Variants in ATP2A3 observed in about 807,000 individuals in gnomAD.
ATP2A3 encodes sarcoplasmic/endoplasmic reticulum calcium ATPase 3.
Under a neutral mutation model 106.8 loss-of-function variants are expected in ATP2A3, and 61 were observed. The ratio of observed to expected loss-of-function variants is 0.57; its 90% confidence interval spans 0.46 to 0.71. The LOEUF is 0.71. ATP2A3 is among the 30% of genes least tolerant of loss of function. The pLI is 0.00. For synonymous variants in ATP2A3, 611 were observed against 609.3 expected (o/e 1.00, Z -0.04); for missense variants, 1,201 against 1,423.5 (o/e 0.84, Z 2.52).
Position 3,943,519 on chromosome 17 carries a change from T to C in ATP2A3, c.1291A>G (p.Lys431Glu). 1.2e-6 allele frequency: 2 copies of C among 1,613,972 alleles called. No homozygotes were observed. The highest frequency in any genetic ancestry group is 1.7e-6 in the Non-Finnish European group (2 of 1,179,894). The change falls in exon 11 of 21, where the codon AAG becomes GAG. Residue 431 changes from lysine (K) to glutamate (E), a missense_variant. Lys to Glu is a moderately conservative substitution (Grantham distance 56). Around this residue, in one of 2 missense-constraint regions of ATP2A3, gnomAD observed 935 missense variants for 1,176.7 expected, o/e 0.79. Transcript: ENST00000397041. The part of the protein sequence containing the change: ...NDSALDYNEA[K>E]GVYEKVGEAT... ...TCTCCCACCTTCTCATACACACCCT[T>C]GGCCTGGCAAGGACCCAGGGGATAG...
In ATP2A3 at chr17:3,958,757, TAC is replaced by T. The variant is rs1191804152; in HGVS notation, c.119-5049_119-5048del. On this transcript the variant is annotated intron_variant, in intron 1 of 20. Transcript: ENST00000397041. ...ACATATATATAGACACACATATATATACACACACATATATATACACACACATA... is the reference window on the plus strand; with the variant it reads ...ACATATATATAGACACACATATATATACACACATATATATACACACACATA... Among the ~76,000 whole-genome samples, 29 of 145,174 alleles carry T rather than the reference TAC, an allele frequency of 2.0e-4. 1 individual carries two copies. The highest frequency in any genetic ancestry group is 6.4e-4 in the African/African-American group (25 of 39,206).
chr17:3,942,145 G>T (rs2053820524), intron 12 of ATP2A3, among the ~76,000 whole-genome samples: 1 of 152,098 alleles, frequency 6.6e-6, no homozygotes, highest in Non-Finnish European at 1.5e-5. Context: ...GTGGCCTCAG[G>T]TCTCACCTCA....
At chr17:3,939,786 TAAAAA>T (rs71381543) in intron 14 of ATP2A3, among the ~76,000 whole-genome samples, 4 of 50,492 alleles carry the variant, frequency 7.9e-5, no homozygotes, top group East Asian at 6.7e-4. Flanking sequence ...AGACTCTGTC[TAAAAA>T]AAAAAAAAAA....
At chr17:3,935,366 G>A (rs1183399025) in intron 16 of ATP2A3, 89 bp from the exon 17 acceptor site, 10 of 1,261,968 alleles carry the variant, frequency 7.9e-6, no homozygotes, top group Admixed American at 5.4e-5. Flanking sequence ...TGAATTCCCT[G>A]CAGGGAGCCA....
chr17:3,924,678 GGC>G lies in ATP2A3; in HGVS notation c.*742_*743del, dbSNP rs2052610526. 2.2e-6 allele frequency: 1 copy of G among 446,418 alleles called. No individual in the cohort carries two copies. Among genetic ancestry groups the G allele is most frequent in the African/African-American group, 2.0e-5 (1 of 49,930 alleles). The allele number at this position is 446,418 out of a possible 1,614,324, so 27.7% of individuals were successfully genotyped here. A position where few individuals can be genotyped will look rare whatever the true frequency, so the allele number is the denominator to read the frequency against. The stretch of plus-strand genomic sequence containing the variant: ...AGGACGGGGAACCCTGAGTCCAGGA[GGC>G]GCGCGGGGCTGAGGCAGTCCAGCCA... On this transcript the variant is annotated 3_prime_UTR_variant, in exon 21 of 21. Transcript: ENST00000397041. This position sits in a 1 kb window ranked among gnomAD's most constrained non-coding sequence, Gnocchi z 6.4.
At chr17:3,951,559 T>TGCCACCCCCCGTTGCACCCACCAGC in intron 4 of ATP2A3, 22 bp downstream of exon 4, 1 of 596,272 alleles carries the variant, frequency 1.7e-6, no homozygotes, top group Non-Finnish European at 2.5e-6. Flanking sequence ...CCCCGCCCGG[T>TGCCACCCCCCGTTGCACCCACCAGC]CCCACCCCCA....
At position 3,951,662 on chromosome 17, in the gene ATP2A3, G is replaced by A. The variant is rs771321946; in HGVS notation, c.243C>T (p.Gly81=). The stretch of plus-strand genomic sequence containing the variant: ...CCACGAAGGCGGTCGTGGTCTCCTC[G>A]CCCTCCTCGAACCAGGCCAGGACCT... ...VSFVLAWFEE[G]EETTTAFVEP... The change falls in exon 4 of 21, where the codon GGC becomes GGT. Residue 81 remains glycine (G), a synonymous_variant. Transcript: ENST00000397041. The A allele has an allele frequency of 3.0e-5, 48 of 1,609,476 alleles. No homozygotes were observed. The highest frequency in any genetic ancestry group is 3.5e-5 in the Non-Finnish European group (41 of 1,178,474).
At position 3,925,494 on chromosome 17, in the gene ATP2A3, C is replaced by T. The variant is rs114282270; in HGVS notation, c.2981-53G>A. 6.8e-4 allele frequency: 1,072 copies of T among 1,580,456 alleles called. 8 individuals carry two copies. The African/African-American group carries it at 0.012, about 17-fold the overall frequency. On this transcript the variant is annotated intron_variant, in intron 20 of 20. Coordinates refer to ENST00000397041, the MANE Select transcript of ATP2A3 (RefSeq NM_005173.4). This position sits in a 1 kb window ranked among gnomAD's most constrained non-coding sequence, Gnocchi z 4.2. ...AGATGTATGTGTAAGGGCACACATCCAGACAGCTTCCTTCCAGCCCCTTCC... is the reference window on the plus strand; with the variant it reads ...AGATGTATGTGTAAGGGCACACATCTAGACAGCTTCCTTCCAGCCCCTTCC...
intron 17 of ATP2A3, among the ~76,000 whole-genome samples, chr17:3,932,952 C>T (rs959717780): frequency 5.3e-5 from 8 of 151,770 alleles, no homozygotes; most frequent in East Asian, 1.9e-4. Flanking sequence ...GACGCTTATG[C>T]GTCTACACAG....
chr17:3,950,215 G>A (rs2054336901), intron 7 of ATP2A3, among the ~76,000 whole-genome samples: 1 of 150,120 alleles, frequency 6.7e-6, no homozygotes, highest in South Asian at 2.1e-4. Flanking sequence ...AGGCTGGAGT[G>A]CAGTGGCACA....
At position 3,937,563 on chromosome 17, in the gene ATP2A3, G is replaced by C; in HGVS notation, c.2174C>G (p.Ala725Gly). ...CATCTCTGCCGCCGACTTGGCCACG[G>C]CCGTGCCTGAGCCCATGGCGATGCC... is the stretch of plus-strand genomic sequence containing the variant. ...EIGIAMGSGT[A>G]VAKSAAEMVL... is the part of the protein sequence containing the mutation. Residue 725 changes from alanine (A) to glycine (G), a missense_variant, in exon 15 of 21, where the codon GCC becomes GGC. Around this residue, in one of 2 missense-constraint regions of ATP2A3, gnomAD observed 935 missense variants for 1,176.7 expected, o/e 0.79. Coordinates refer to ENST00000397041, the MANE Select transcript of ATP2A3 (RefSeq NM_005173.4). The C allele has an allele frequency of 6.2e-7, 1 of 1,614,150 alleles. No individual in the cohort carries two copies. Among genetic ancestry groups the C allele is most frequent in the Non-Finnish European group, 8.5e-7 (1 of 1,180,040 alleles).
rs2054765149 is a variant in ATP2A3, at chr17:3,956,095, TG to T, written c.119-2386del. Among the ~76,000 whole-genome samples the T allele has an allele frequency of 2.6e-5, 4 of 152,228 alleles. No homozygotes were observed. In the South Asian group the frequency reaches 8.3e-4, roughly 32 times the overall value. On this transcript the variant is annotated intron_variant, in intron 1 of 20. Transcript: ENST00000397041. ...CGGGGTTTCACCATGTTGGCCAGGC[TG>T]GTCTCGAACTCCTGACCTCAGGTGA...
chr17:3,950,783 G>C lies in ATP2A3; in HGVS notation c.464-10C>G. 2.5e-6 allele frequency: 4 copies of C among 1,612,436 alleles called. No individual in the cohort carries two copies. Among genetic ancestry groups the C allele is most frequent in the Non-Finnish European group, 3.4e-6 (4 of 1,179,764 alleles). On this transcript the variant is annotated splice_polypyrimidine_tract_variant and intron_variant, in intron 5 of 20. Transcript: ENST00000397041. ...GGCACTTTGTCCCCCACTGTGCGGGGAGAATGGCTTGGCTGAGGGTGGCTT... is the reference window on the plus strand; with the variant it reads ...GGCACTTTGTCCCCCACTGTGCGGGCAGAATGGCTTGGCTGAGGGTGGCTT...
In ATP2A3 at chr17:3,953,530, C is replaced by A. The variant is rs1408989509; in HGVS notation, c.137-101G>T. On this transcript the variant is annotated intron_variant, in intron 2 of 20. Transcript: ENST00000397041. This position sits in a 1 kb window ranked among gnomAD's most constrained non-coding sequence, Gnocchi z 5.1. ...GACCTCCCGGCCCATTCCCTCCCTG[C>A]ACTCAGAAGAGGGAGAACCCAGGTC... The A allele has an allele frequency of 2.0e-6, 3 of 1,498,928 alleles. No homozygotes were observed. The highest frequency in any genetic ancestry group is 2.8e-5 in the African/African-American group (2 of 72,158). The allele number at this position is 1,498,928 out of a possible 1,614,324, so 92.9% of individuals were successfully genotyped here.
chr17:3,962,739 T>C (rs1269654767), intron 1 of ATP2A3, among the ~76,000 whole-genome samples: 2 of 152,194 alleles, frequency 1.3e-5, no homozygotes, highest in African/African-American at 4.8e-5. Context: ...GCTAGGGTCG[T>C]ACAGAAGCAG....
chr17:3,932,269 G>C (rs946948692), intron 17 of ATP2A3, among the ~76,000 whole-genome samples: 1 of 151,424 alleles, frequency 6.6e-6, no homozygotes, highest in African/African-American at 2.4e-5. Context: ...TCAGCCTCCT[G>C]AGTAGCTGGG....
chr17:3,953,292 G>A lies in ATP2A3; in HGVS notation c.219+55C>T. 6.3e-7 allele frequency: 1 copy of A among 1,582,976 alleles called. No individual in the cohort carries two copies. Among genetic ancestry groups the A allele is most frequent in the East Asian group, 2.2e-5 (1 of 44,710 alleles). On this transcript the variant is annotated intron_variant, in intron 3 of 20. Coordinates refer to ENST00000397041, the MANE Select transcript of ATP2A3 (RefSeq NM_005173.4). The surrounding 1 kb of genome is among the most constrained non-coding windows in gnomAD (Gnocchi z 5.1). ...GGACCTCGGAGCACTGCCCAGCCTG[G>A]CTCTCCCTCCAGGGCTACCGACTAC...
chr17:3,934,726 G>A (rs778393617), intron 17 of ATP2A3, among the ~76,000 whole-genome samples: 4 of 151,082 alleles, frequency 2.6e-5, no homozygotes, highest in Non-Finnish European at 4.4e-5. Flanking sequence ...GTTTCACCTC[G>A]TTGGACGGCT....
intron 9 of ATP2A3, 110 bp from the exon 10 acceptor site, chr17:3,944,916 A>G (rs1417222500): frequency 3.0e-5 from 39 of 1,309,438 alleles, no homozygotes; most frequent in East Asian, 1.8e-4. Context: ...CCGCCCCCAG[A>G]AGGGCTCCGC....
Sources: allele counts gnomAD v4.1 joint callset (sites outside exome capture counted in the v4.1 genomes callset), GRCh38; gene constraint gnomAD v4.1.1; regional missense constraint gnomAD v4.1.1; non-coding constraint Gnocchi (gnomAD v3.1); transcripts MANE v1.5; gene names NCBI Gene and HGNC (gene_info 2026-07-23, HGNC 2026-07-21).